PRMT3: variants seen among roughly 807,000 people sequenced by gnomAD.
PRMT3 encodes protein arginine methyltransferase 3.
In PRMT3, 62 loss-of-function variants were observed where a neutral mutation model predicts 71.9. The ratio of observed to expected loss-of-function variants is 0.86; its 90% CI spans 0.70 to 1.07. The LOEUF (loss-of-function observed/expected upper bound fraction) is 1.07, where lower values mean the gene tolerates loss of function less well. Ranked by LOEUF, PRMT3 falls within the 50% of genes least tolerant of loss-of-function variation. PRMT3 has a pLI of 0.00. For missense variants in PRMT3, 663 were observed against 643.0 expected, an observed-to-expected ratio of 1.03 and a Z score of -0.34; for synonymous variants, 213 against 220.4, an observed-to-expected ratio of 0.97 and a Z score of 0.30.
At chr11:20,496,636 T>C (rs1439187456) in intron 15 of PRMT3, among the ~76,000 whole-genome samples, 3 of 143,970 alleles carry the variant, frequency 2.1e-5, no homozygotes, top group African/African-American at 7.6e-5. Flanking sequence ...GGGGTGGGGG[T>C]CAATGTCATA....
chr11:20,427,664 T>C (rs1439367677), intron 10 of PRMT3, among the ~76,000 whole-genome samples: 1 of 152,034 alleles, frequency 6.6e-6, no homozygotes, highest in Non-Finnish European at 1.5e-5. Flanking sequence ...GGTTGGAGGT[T>C]GCAGTGAGCC....
chr11:20,445,170 A>G (rs1263762003), intron 10 of PRMT3, among the ~76,000 whole-genome samples: 3 of 151,848 alleles, frequency 2.0e-5, no homozygotes, highest in African/African-American at 7.3e-5. Flanking sequence ...TATAATCTTA[A>G]TTTTTTAAAA....
At chr11:20,394,301 T>G (rs960474077) in intron 5 of PRMT3, among the ~76,000 whole-genome samples, 1 of 152,164 alleles carries the variant, frequency 6.6e-6, no homozygotes, top group African/African-American at 2.4e-5. Context: ...TGTAGAGAAG[T>G]GAAATTAAAA....
intron 13 of PRMT3, among the ~76,000 whole-genome samples, chr11:20,471,292 T>C (rs1850639206): frequency 6.6e-6 from 1 of 152,218 alleles, no homozygotes; most frequent in African/African-American, 2.4e-5. Context: ...TCTTTGCCCG[T>C]GCCTATGTCC....
At chr11:20,441,796 T>C (rs1194937106) in intron 10 of PRMT3, among the ~76,000 whole-genome samples, 1 of 150,800 alleles carries the variant, frequency 6.6e-6, no homozygotes, top group Non-Finnish European at 1.5e-5. Flanking sequence ...AGGTTTTTTT[T>C]TTTTTTTTTT....
chr11:20,486,204 G>C (rs1242795077), intron 13 of PRMT3, among the ~76,000 whole-genome samples: 1 of 152,118 alleles, frequency 6.6e-6, no homozygotes, highest in African/African-American at 2.4e-5. Flanking sequence ...GATTTCTTTT[G>C]GGGGAAATGA....
chr11:20,388,072 G>A lies in PRMT3; in HGVS notation c.82G>A (p.Gly28Arg). 6.2e-7 allele frequency: 1 copy of A among 1,614,050 alleles called. No individual in the cohort carries two copies. ...EEDLPELSDSGDEAAWEDEDD... is the reference protein window; with the variant it reads ...EEDLPELSDSRDEAAWEDEDD... ...GGACCTGCCAGAACTGTCGGACAGC[G>A]GGGACGAGGCCGCCTGGGAGGATGA... Residue 28 changes from glycine (G) to arginine (R), a missense_variant, in exon 2 of 16, where the codon GGG becomes AGG. Coordinates refer to ENST00000331079, the MANE Select transcript of PRMT3 (RefSeq NM_005788.4).
chr11:20,413,601 G>C (rs74183993), intron 9 of PRMT3, among the ~76,000 whole-genome samples: 11,858 of 152,136 alleles, frequency 0.078, 597 homozygotes, highest in East Asian at 0.2. Flanking sequence ...GTTTGGCTTG[G>C]CATCAATGCC....
intron 9 of PRMT3, among the ~76,000 whole-genome samples, chr11:20,409,632 G>A (rs542197174): frequency 2.1e-3 from 300 of 140,318 alleles, no homozygotes; most frequent in Non-Finnish European, 3.5e-3. Context: ...TTGTGGTTGC[G>A]ATTTTTGTAT....
rs527636299 is a variant in PRMT3, at chr11:20,409,472, A to T, written c.893+1440A>T. ...AAATATTTTGAGGTGCATAAGTTCT[A>T]AGTAAGATATACATATAAATCAGAT... On this transcript the variant is annotated intron_variant, in intron 9 of 15. Transcript: ENST00000331079. Among the ~76,000 whole-genome samples the T allele has an allele frequency of 2.3e-4, 35 of 152,326 alleles. No homozygotes were observed. The South Asian group carries it at 6.0e-3, about 26-fold the overall frequency.
At chr11:20,420,106 A>T (rs1849393810) in intron 9 of PRMT3, among the ~76,000 whole-genome samples, 1 of 152,180 alleles carries the variant, frequency 6.6e-6, no homozygotes, top group Non-Finnish European at 1.5e-5. Flanking sequence ...CTGGAGGCGG[A>T]GGTTGCAGTG....
chr11:20,417,505 C>A lies in PRMT3; in HGVS notation c.894-9261C>A, dbSNP rs376280360. On this transcript the variant is annotated intron_variant, in intron 9 of 15. Coordinates refer to ENST00000331079, the MANE Select transcript of PRMT3 (RefSeq NM_005788.4). ...TTTATGCTGTTTGCTTGTCTGTCTC[C>A]CCACTAGACCATCTTCTTCTTAGAA... Among the ~76,000 whole-genome samples the A allele has an allele frequency of 1.3e-4, 20 of 152,108 alleles. No homozygotes were observed. In the South Asian group the frequency reaches 4.2e-3, roughly 32 times the overall value.
At chr11:20,423,735 C>G (rs905939387) in intron 9 of PRMT3, among the ~76,000 whole-genome samples, 4 of 151,582 alleles carry the variant, frequency 2.6e-5, no homozygotes, top group Non-Finnish European at 5.9e-5. Context: ...TCTTGAGATT[C>G]ATTGGATTAC....
chr11:20,485,690 T>C (rs1011404453), intron 13 of PRMT3, among the ~76,000 whole-genome samples: 3 of 152,008 alleles, frequency 2.0e-5, no homozygotes. Flanking sequence ...AGAAATAACG[T>C]AGATACAAGA....
At chr11:20,475,149 T>C (rs1368442024) in intron 13 of PRMT3, among the ~76,000 whole-genome samples, 1 of 152,180 alleles carries the variant, frequency 6.6e-6, no homozygotes, top group Non-Finnish European at 1.5e-5. Context: ...AACAGCTACA[T>C]AGGATAGGGC....
At chr11:20,416,810 A>G (rs1342505564) in intron 9 of PRMT3, among the ~76,000 whole-genome samples, 2 of 152,090 alleles carry the variant, frequency 1.3e-5, no homozygotes, top group Non-Finnish European at 2.9e-5. Context: ...TATGCCCCAT[A>G]CCTTCTTGGT....
intron 10 of PRMT3, among the ~76,000 whole-genome samples, chr11:20,439,167 G>A (rs1481214934): frequency 6.6e-6 from 1 of 152,208 alleles, no homozygotes; most frequent in Non-Finnish European, 1.5e-5. Flanking sequence ...CCTTGGGAGA[G>A]CACAGCTATT....
intron 10 of PRMT3, among the ~76,000 whole-genome samples, chr11:20,439,679 A>T (rs1470923694): frequency 1.3e-5 from 2 of 152,180 alleles, no homozygotes; most frequent in Non-Finnish European, 2.9e-5. Context: ...ACCATGTTTG[A>T]AGTTTGGAAG....
chr11:20,421,238 A>C (rs1286658163), intron 9 of PRMT3, among the ~76,000 whole-genome samples: 1 of 152,082 alleles, frequency 6.6e-6, no homozygotes, highest in Non-Finnish European at 1.5e-5. Flanking sequence ...AGTTCTTCCT[A>C]TGTTGCCTAG....
Sources: allele counts gnomAD v4.1 joint callset (sites outside exome capture counted in the v4.1 genomes callset), GRCh38; gene constraint gnomAD v4.1.1; transcripts MANE v1.5; gene names NCBI Gene and HGNC (gene_info 2026-07-23, HGNC 2026-07-21).